Variants in HCN1 observed in about 807,000 individuals in gnomAD.
HCN1 encodes potassium/sodium hyperpolarization-activated cyclic nucleotide-gated channel 1.
A neutral mutation model predicts 78.9 loss-of-function variants in HCN1; 13 were observed. The observed-to-expected ratio is 0.16, with a 90% confidence interval of 0.11 to 0.26. The LOEUF is 0.26. Ranked by LOEUF, HCN1 falls within the 10% of genes least tolerant of loss-of-function variation. The pLI, the probability that HCN1 is intolerant of heterozygous loss-of-function variation, is 1.00. For synonymous variants in HCN1, 552 were observed against 455.5 expected, an observed-to-expected ratio of 1.21 and a Z score of -2.70; for missense variants, 810 against 1,154.3, an observed-to-expected ratio of 0.70 and a Z score of 4.32.
At chr5:45,325,462 T>G (rs1746217054) in intron 5 of HCN1, among the ~76,000 whole-genome samples, 1 of 151,670 alleles carries the variant, frequency 6.6e-6, no homozygotes, top group Non-Finnish European at 1.5e-5. Flanking sequence ...TTGATCAAAG[T>G]CAACAAATAA....
At chr5:45,531,199 T>C (rs1160910521) in intron 2 of HCN1, among the ~76,000 whole-genome samples, 2 of 152,186 alleles carry the variant, frequency 1.3e-5, no homozygotes, top group African/African-American at 4.8e-5. Flanking sequence ...AACTGAATAA[T>C]CCCTGATAAA....
intron 2 of HCN1, among the ~76,000 whole-genome samples, chr5:45,562,001 G>C (rs1743614481): frequency 6.6e-6 from 1 of 152,106 alleles, no homozygotes; most frequent in Non-Finnish European, 1.5e-5. Flanking sequence ...TAAGTATAGT[G>C]CTCTCTTCAG....
Position 45,422,728 on chromosome 5 carries a change from A to G in HCN1, c.1012-26018T>C, listed in dbSNP as rs147866286. 3.1e-4 allele frequency among the ~76,000 whole-genome samples: 47 copies of G among 152,254 alleles called. 1 individual carries two copies. In the East Asian group the frequency reaches 6.9e-3, roughly 23 times the overall value. On this transcript the variant is annotated intron_variant, in intron 3 of 7. Coordinates refer to ENST00000303230, the MANE Select transcript of HCN1 (RefSeq NM_021072.4). ...AGAATCAGCAATAGTTTTTTTATTC[A>G]CCATAATACATCAGTTTAAAAAATA...
chr5:45,352,747 T>C (rs958475450), intron 5 of HCN1, among the ~76,000 whole-genome samples: 1 of 151,496 alleles, frequency 6.6e-6, no homozygotes, highest in Non-Finnish European at 1.5e-5. Context: ...CATGAGATGA[T>C]CCAGGAAAGT....
At chr5:45,618,173 G>A (rs957287390) in intron 2 of HCN1, among the ~76,000 whole-genome samples, 30 of 152,060 alleles carry the variant, frequency 2.0e-4, no homozygotes, top group African/African-American at 4.6e-4. Context: ...AGTGCAGGAA[G>A]CCATTGTTGC....
intron 3 of HCN1, among the ~76,000 whole-genome samples, chr5:45,457,885 C>A (rs1392167074): frequency 6.6e-6 from 1 of 152,130 alleles, no homozygotes; most frequent in Non-Finnish European, 1.5e-5. Flanking sequence ...TATGTAATCA[C>A]CTCTTACTAG....
intron 4 of HCN1, among the ~76,000 whole-genome samples, chr5:45,393,674 G>C (rs1283431342): frequency 1.3e-5 from 2 of 152,104 alleles, no homozygotes; most frequent in Non-Finnish European, 2.9e-5. Context: ...CAACATTTCT[G>C]AACTTATTTG....
chr5:45,421,352 A>G (rs1740224722), intron 3 of HCN1, among the ~76,000 whole-genome samples: 1 of 152,084 alleles, frequency 6.6e-6, no homozygotes, highest in African/African-American at 2.4e-5. Flanking sequence ...GTGAGCCACC[A>G]CGCCCGGCCA....
intron 2 of HCN1, among the ~76,000 whole-genome samples, chr5:45,515,788 T>C (rs1313179995): frequency 1.3e-5 from 2 of 151,988 alleles, no homozygotes; most frequent in African/African-American, 4.8e-5. Flanking sequence ...TAAGAATGCC[T>C]GCTACTGGTT....
intron 3 of HCN1, among the ~76,000 whole-genome samples, chr5:45,406,253 A>G (rs755053655): frequency 6.6e-6 from 1 of 152,176 alleles, no homozygotes; most frequent in Non-Finnish European, 1.5e-5. Context: ...CCTCTTTGTT[A>G]ACATAAATAA....
At chr5:45,369,560 G>T (rs1747309106) in intron 4 of HCN1, among the ~76,000 whole-genome samples, 1 of 152,098 alleles carries the variant, frequency 6.6e-6, no homozygotes, top group Admixed American at 6.6e-5. Context: ...GAGCACAAGA[G>T]TAACAGAGAA....
At chr5:45,338,114 C>G (rs1501358) in intron 5 of HCN1, among the ~76,000 whole-genome samples, 34,809 of 151,918 alleles carry the variant, frequency 0.23, 5,124 homozygotes, top group African/African-American at 0.41. Context: ...AGAGTCTGAA[C>G]TATAAAATGG....
chr5:45,427,715 GC>G (rs1420733652), intron 3 of HCN1, among the ~76,000 whole-genome samples: 1 of 152,016 alleles, frequency 6.6e-6, no homozygotes, highest in Non-Finnish European at 1.5e-5. Context: ...GCACTAAATT[GC>G]TTTTATTTGT....
intron 3 of HCN1, among the ~76,000 whole-genome samples, chr5:45,415,988 G>T (rs1014564114): frequency 6.6e-6 from 1 of 151,904 alleles, no homozygotes; most frequent in Non-Finnish European, 1.5e-5. Flanking sequence ...AGCCACAAAA[G>T]AAACCAGTAT....
At chr5:45,625,492 C>T (rs1226552387) in intron 2 of HCN1, among the ~76,000 whole-genome samples, 1 of 151,686 alleles carries the variant, frequency 6.6e-6, no homozygotes, top group Non-Finnish European at 1.5e-5. Flanking sequence ...CTAGTACCTT[C>T]ACATATTATA....
chr5:45,346,723 G>A (rs997204069), intron 5 of HCN1, among the ~76,000 whole-genome samples: 1 of 152,200 alleles, frequency 6.6e-6, no homozygotes, highest in African/African-American at 2.4e-5. Context: ...TCCTGCACCT[G>A]GCTTGGAGGG....
intron 1 of HCN1, among the ~76,000 whole-genome samples, chr5:45,668,365 A>G (rs1010457368): frequency 2.0e-5 from 3 of 151,780 alleles, no homozygotes; most frequent in African/African-American, 7.3e-5. Context: ...CTGATGGTTT[A>G]AAAGTGTAGC....
chr5:45,623,566 T>C (rs528465035), intron 2 of HCN1, among the ~76,000 whole-genome samples: 2 of 152,336 alleles, frequency 1.3e-5, no homozygotes, highest in South Asian at 2.1e-4. Context: ...GCAGTTCTTC[T>C]TTCAGGTAGA....
At chr5:45,398,293 G>C (rs1739722768) in intron 3 of HCN1, among the ~76,000 whole-genome samples, 1 of 151,932 alleles carries the variant, frequency 6.6e-6, no homozygotes, top group Admixed American at 6.6e-5. Context: ...AGAAATAATA[G>C]AGAGAGATTC....
Sources: gnomAD v4.1 joint callset for allele counts (sites outside exome capture counted in the v4.1 genomes callset) on GRCh38, gnomAD v4.1.1 for gene constraint, MANE v1.5 for transcripts, NCBI Gene and HGNC (gene_info 2026-07-23, HGNC 2026-07-21) for gene names.